GLB1: variants seen among roughly 807,000 people sequenced by gnomAD.
GLB1 encodes the protein beta-galactosidase.
A neutral mutation model predicts 74.0 loss-of-function variants in GLB1; 56 were observed. That is an observed-to-expected ratio of 0.76 (90% CI 0.61 to 0.94). The LOEUF (loss-of-function observed/expected upper bound fraction) is 0.94. Ranked by LOEUF, GLB1 falls within the 40% of genes least tolerant of loss-of-function variation. The pLI is 0.00. For synonymous variants in GLB1, 323 were observed against 323.6 expected (o/e 1.00, Z 0.02); for missense variants, 787 against 845.5 (o/e 0.93, Z 0.86).
At position 33,093,446 on chromosome 3, in the gene GLB1, T is replaced by C; in HGVS notation, c.75+3565A>G. 1 of 1,614,096 alleles carries C rather than the reference T, an allele frequency of 6.2e-7. No individual in the cohort carries two copies. The highest frequency in any genetic ancestry group is 8.5e-7 in the Non-Finnish European group (1 of 1,180,026). ...CAGCCGTCCGCAGGACCGAGGCTTC[T>C]GAGTCGGAGAGGTCACCCACAATCA... On this transcript the variant is annotated intron_variant, in intron 1 of 15. Coordinates refer to ENST00000307363, the MANE Select transcript of GLB1 (RefSeq NM_000404.4). The surrounding 1 kb of genome is among the most constrained non-coding windows in gnomAD (Gnocchi z 6.0).
At chr3:33,047,205 C>T (rs927819520) in intron 9 of GLB1, among the ~76,000 whole-genome samples, 1 of 152,158 alleles carries the variant, frequency 6.6e-6, no homozygotes, top group Non-Finnish European at 1.5e-5. Context: ...ATGGATAATG[C>T]CAACACTGAG....
chr3:33,015,410 G>C (rs1189846294), intron 14 of GLB1, among the ~76,000 whole-genome samples: 3 of 152,146 alleles, frequency 2.0e-5, no homozygotes, highest in African/African-American at 7.2e-5. Context: ...CCTCAGACCT[G>C]AATTCAGAAG....
the GLB1 span, among the ~76,000 whole-genome samples, chr3:32,988,185 C>CAAAAA: frequency 6.6e-5 from 4 of 60,410 alleles, no homozygotes; most frequent in African/African-American, 1.2e-4. Flanking sequence ...GACTCCATCT[C>CAAAAA]AAAAAAAAAA....
At chr3:33,011,532 C>T (rs1697025664) in intron 15 of GLB1, among the ~76,000 whole-genome samples, 1 of 149,324 alleles carries the variant, frequency 6.7e-6, no homozygotes, top group African/African-American at 2.5e-5. Context: ...GTAGTCCCCG[C>T]TACTCTGGAG....
chr3:33,096,520 G>A, intron 1 of GLB1: 2 of 985,358 alleles, frequency 2.0e-6, no homozygotes, highest in Non-Finnish European at 2.4e-6. Flanking sequence ...CACGAAGAGG[G>A]AGAGCACCCA....
intron 15 of GLB1, among the ~76,000 whole-genome samples, chr3:33,004,271 G>A (rs867644830): frequency 2.0e-5 from 3 of 152,156 alleles, no homozygotes; most frequent in South Asian, 2.1e-4. Flanking sequence ...CTTCTCTGTT[G>A]CCTCAGCTGA....
At chr3:33,035,684 C>T (rs1008208497) in intron 10 of GLB1, among the ~76,000 whole-genome samples, 2 of 152,156 alleles carry the variant, frequency 1.3e-5, no homozygotes. Context: ...AGAACCTAAC[C>T]ATGCCGGCAT....
At position 33,024,323 on chromosome 3, in the gene GLB1, A is replaced by C. The variant is rs727503953; in HGVS notation, c.1071T>G (p.Phe357Leu). ...YFALRNIIQK[F>L]EKVPEGPIPP... ...GGATAGGACCTTCTGGTACTTTTTC[A>C]AACTATAAACCAGAGTAGAAAAAGA... Residue 357 changes from phenylalanine to leucine, a missense_variant and splice_region_variant, in exon 11 of 16, where the codon TTT (phenylalanine) becomes TTG (leucine). Transcript: ENST00000307363. The C allele has an allele frequency of 8.7e-6, 14 of 1,612,278 alleles. No homozygotes were observed. In the South Asian group the frequency reaches 1.5e-4, roughly 18 times the overall value.
At chr3:33,021,515 G>T in intron 12 of GLB1, 51 bp downstream of exon 12, 1 of 1,586,298 alleles carries the variant, frequency 6.3e-7, no homozygotes, top group Non-Finnish European at 8.6e-7. Flanking sequence ...AGTGCAGAAA[G>T]CACACTTTTG....
intron 15 of GLB1, among the ~76,000 whole-genome samples, chr3:33,008,108 T>G (rs1010154898): frequency 6.6e-6 from 1 of 152,178 alleles, no homozygotes. Context: ...CCTTTAAGAC[T>G]TGGCCAAGAT....
chr3:33,096,822 C>T, intron 1 of GLB1, 189 bp downstream of exon 1: 1 of 1,365,928 alleles, frequency 7.3e-7, no homozygotes, highest in African/African-American at 1.5e-5. Context: ...ACGCGCGCCC[C>T]GCCCGGCCCG....
intron 15 of GLB1, among the ~76,000 whole-genome samples, chr3:33,013,727 C>T (rs1242823251): frequency 6.6e-6 from 1 of 152,068 alleles, no homozygotes; most frequent in Non-Finnish European, 1.5e-5. Context: ...CAGAGGGATC[C>T]ACCTCTTTGT....
At chr3:32,990,999 T>C in the GLB1 span, among the ~76,000 whole-genome samples, 1 of 151,942 alleles carries the variant, frequency 6.6e-6, no homozygotes, top group Non-Finnish European at 1.5e-5. Flanking sequence ...ATAATAATCG[T>C]ATTGCTTAGT....
At chr3:33,088,076 CCAA>C (rs1700600017) in intron 1 of GLB1, among the ~76,000 whole-genome samples, 1 of 152,120 alleles carries the variant, frequency 6.6e-6, no homozygotes, top group South Asian at 2.1e-4. Context: ...ATTAAAAAAA[CCAA>C]CAACTCAACA....
chr3:32,984,460 A>G, the GLB1 span, among the ~76,000 whole-genome samples: 2 of 152,152 alleles, frequency 1.3e-5, no homozygotes, highest in Admixed American at 6.5e-5. Context: ...TTTTAGTTTC[A>G]TACTTATTTT....
intron 5 of GLB1, 148 bp from the exon 6 acceptor site, chr3:33,058,417 A>G: frequency 4.6e-6 from 5 of 1,090,510 alleles, no homozygotes; most frequent in Non-Finnish European, 6.6e-6. Context: ...CAGACCTCAA[A>G]ACTGACTAAA....
chr3:32,971,926 A>G, the GLB1 span, among the ~76,000 whole-genome samples: 1 of 152,206 alleles, frequency 6.6e-6, no homozygotes, highest in Non-Finnish European at 1.5e-5. Flanking sequence ...GTTAAAAACA[A>G]TCGAGCCATC....
Position 32,997,317 on chromosome 3 carries a change from G to C in GLB1, c.1762C>G (p.Leu588Val), listed in dbSNP as rs1696350727. The C allele has an allele frequency of 1.2e-6, 2 of 1,613,760 alleles. No individual in the cohort carries two copies. Among genetic ancestry groups the C allele is most frequent in the Non-Finnish European group, 1.7e-6 (2 of 1,180,012 alleles). ...CCCCGGGCTGGCCAATAGCGGCCAA[G>C]GTTAAAGCCATTAATCCAGACCTGG... is the stretch of plus-strand genomic sequence containing the variant. ...KGQVWINGFN[L>V]GRYWPARGPQ... Residue 588 changes from leucine (L) to valine (V), a missense_variant, in exon 16 of 16, where the codon CTT becomes GTT. Transcript: ENST00000307363.
intron 1 of GLB1, among the ~76,000 whole-genome samples, chr3:33,075,302 G>T (rs181088468): frequency 3.9e-5 from 6 of 152,302 alleles, no homozygotes; most frequent in African/African-American, 1.4e-4. Context: ...GAAAAGGGTA[G>T]AGCTGTTTGA....
Sources: allele counts gnomAD v4.1 joint callset (sites outside exome capture counted in the v4.1 genomes callset), GRCh38; gene constraint gnomAD v4.1.1; non-coding constraint Gnocchi (gnomAD v3.1); transcripts MANE v1.5; gene names NCBI Gene and HGNC (gene_info 2026-07-23, HGNC 2026-07-21).